Variants in HIVEP2 observed in about 807,000 individuals in gnomAD.
The protein encoded by HIVEP2 is HIVEP zinc finger 2, also known as transcription factor HIVEP2.
HIVEP2 carries 14 observed loss-of-function variants against 180.7 expected under a neutral mutation model. The observed-to-expected ratio is 0.08, with a 90% confidence interval of 0.05 to 0.12. The LOEUF (loss-of-function observed/expected upper bound fraction) is 0.12, where lower values mean the gene tolerates loss of function less well. Ranked by LOEUF, HIVEP2 falls within the 10% of genes least tolerant of loss-of-function variation. The pLI, the probability that HIVEP2 is intolerant of heterozygous loss-of-function variation, is 1.00. For missense variants in HIVEP2, 2,579 were observed against 3,008.5 expected (o/e 0.86, Z 3.34); for synonymous variants, 1,184 against 1,136.4 (o/e 1.04, Z -0.84).
At chr6:142,876,599 T>A (rs563623325) in intron 1 of HIVEP2, among the ~76,000 whole-genome samples, 12 of 152,160 alleles carry the variant, frequency 7.9e-5, no homozygotes, top group African/African-American at 2.9e-4. Context: ...TTAGAATGAT[T>A]CCCATTGAGT....
chr6:142,846,681 G>A lies in HIVEP2; in HGVS notation c.-640-9634C>T, dbSNP rs551972019. On this transcript the variant is annotated intron_variant, in intron 1 of 9. Coordinates refer to ENST00000367603, the MANE Select transcript of HIVEP2 (RefSeq NM_006734.4). ...CAAAGATGACTCAGCCTCTTGGGCT[G>A]ATGAGGTTCTGATTCTTCTACCAGG... Among the ~76,000 whole-genome samples the A allele has an allele frequency of 2.4e-3, 370 of 152,304 alleles. 1 individual carries two copies. The highest frequency in any genetic ancestry group is 8.6e-3 in the African/African-American group (358 of 41,560).
At chr6:142,801,913 T>C (rs953271501) in intron 2 of HIVEP2, among the ~76,000 whole-genome samples, 1 of 152,196 alleles carries the variant, frequency 6.6e-6, no homozygotes, top group African/African-American at 2.4e-5. Flanking sequence ...CTCCTTAAAG[T>C]TCTCCACAAG....
In HIVEP2 at chr6:142,769,971, C is replaced by T. The variant is rs747506540; in HGVS notation, c.4768G>A (p.Gly1590Arg). 2 of 1,614,108 alleles carry T rather than the reference C, an allele frequency of 1.2e-6. No individual in the cohort carries two copies. Among genetic ancestry groups the T allele is most frequent in the East Asian group, 2.2e-5 (1 of 44,884 alleles). ...CCTTCCTCTTCCAGCTGACCATCTC[C>T]TGCTGGTAATGAAGAACTCTGTGGG... ...MSPQSSSLPAGDGQLEEEGKG... is the reference protein window; with the variant it reads ...MSPQSSSLPARDGQLEEEGKG... Residue 1590 changes from glycine (G) to arginine (R), a missense_variant, in exon 5 of 10, where the codon GGA becomes AGA. Transcript: ENST00000367603.
At chr6:142,816,334 GC>G (rs1464417640) in intron 2 of HIVEP2, among the ~76,000 whole-genome samples, 2 of 152,108 alleles carry the variant, frequency 1.3e-5, no homozygotes, top group South Asian at 4.2e-4. Flanking sequence ...ACTGTTCTTT[GC>G]CCCCAGTTCA....
chr6:142,907,606 C>T (rs1683044815), intron 1 of HIVEP2, among the ~76,000 whole-genome samples: 1 of 152,226 alleles, frequency 6.6e-6, no homozygotes, highest in Admixed American at 6.5e-5. Context: ...CTCTACCCTA[C>T]TCCAGCAGCC....
intron 2 of HIVEP2, among the ~76,000 whole-genome samples, chr6:142,813,353 A>G (rs1325609929): frequency 1.3e-5 from 2 of 152,146 alleles, no homozygotes; most frequent in Non-Finnish European, 2.9e-5. Context: ...TGTTTCACCT[A>G]TGTCTCTCTG....
chr6:142,858,766 G>A (rs183375347), intron 1 of HIVEP2, among the ~76,000 whole-genome samples: 15 of 151,858 alleles, frequency 9.9e-5, no homozygotes, highest in Admixed American at 7.2e-4. Flanking sequence ...TGATTTTTTT[G>A]TATTTTTAGT....
intron 1 of HIVEP2, among the ~76,000 whole-genome samples, chr6:142,884,484 T>C (rs1268214836): frequency 6.6e-6 from 1 of 152,072 alleles, no homozygotes; most frequent in Non-Finnish European, 1.5e-5. Flanking sequence ...AACAAAATAA[T>C]CGCTGAAAAG....
At chr6:142,918,360 C>A (rs1180530457) in intron 1 of HIVEP2, among the ~76,000 whole-genome samples, 1 of 152,150 alleles carries the variant, frequency 6.6e-6, no homozygotes, top group Non-Finnish European at 1.5e-5. Flanking sequence ...TTATTTTTTT[C>A]TATTAAACGA....
At chr6:142,911,484 G>T (rs1279978601) in intron 1 of HIVEP2, among the ~76,000 whole-genome samples, 2 of 152,210 alleles carry the variant, frequency 1.3e-5, no homozygotes, top group Admixed American at 1.3e-4. Context: ...TCCCTGAAAA[G>T]AAGGTTTTAT....
chr6:142,798,254 G>C (rs1776325346), intron 2 of HIVEP2, among the ~76,000 whole-genome samples: 1 of 151,806 alleles, frequency 6.6e-6, no homozygotes, highest in Admixed American at 6.6e-5. Flanking sequence ...GGGCAACAGA[G>C]TGAGACTTCG....
chr6:142,762,970 A>C (rs1392947908), intron 7 of HIVEP2, among the ~76,000 whole-genome samples: 1 of 152,230 alleles, frequency 6.6e-6, no homozygotes, highest in Non-Finnish European at 1.5e-5. Context: ...AAAATTAATG[A>C]AATGTATCTA....
intron 2 of HIVEP2, among the ~76,000 whole-genome samples, chr6:142,814,495 G>A (rs1158917274): frequency 6.6e-6 from 1 of 152,126 alleles, no homozygotes; most frequent in African/African-American, 2.4e-5. Flanking sequence ...TTGGGCAGAG[G>A]TGGTGGGTTG....
At chr6:142,761,838 C>T (rs1196471826) in intron 7 of HIVEP2, among the ~76,000 whole-genome samples, 1 of 152,150 alleles carries the variant, frequency 6.6e-6, no homozygotes, top group East Asian at 1.9e-4. Context: ...CAAGAGTAGG[C>T]TCAAAGCAAG....
chr6:142,916,194 A>C (rs1053213555), intron 1 of HIVEP2, among the ~76,000 whole-genome samples: 1 of 152,210 alleles, frequency 6.6e-6, no homozygotes, highest in Admixed American at 6.5e-5. Context: ...TTACTGCAGT[A>C]ATCTCTTGAC....
At position 142,938,490 on chromosome 6, in the gene HIVEP2, A is replaced by G. The variant is rs138591871; in HGVS notation, c.-641+6609T>C. On this transcript the variant is annotated intron_variant, in intron 1 of 9. Transcript: ENST00000367603. ...TAATCTTCTTTATATGGAATTAGAC[A>G]TTAATCTCCATTTTAAAAGAAATAT... Among the ~76,000 whole-genome samples the G allele has an allele frequency of 9.2e-5, 14 of 152,342 alleles. No homozygotes were observed. The East Asian group carries it at 2.5e-3, about 27-fold the overall frequency.
intron 1 of HIVEP2, among the ~76,000 whole-genome samples, chr6:142,872,912 T>C (rs1166348825): frequency 6.6e-6 from 1 of 152,188 alleles, no homozygotes; most frequent in Non-Finnish European, 1.5e-5. Flanking sequence ...GATTTGACTA[T>C]TGTTTTTCTA....
Position 142,770,492 on chromosome 6 carries a change from C to G in HIVEP2, c.4247G>C (p.Gly1416Ala). The G allele has an allele frequency of 6.2e-7, 1 of 1,614,176 alleles. No homozygotes were observed. The highest frequency in any genetic ancestry group is 8.5e-7 in the Non-Finnish European group (1 of 1,180,036). The change falls in exon 5 of 10, where the codon GGC becomes GCC. Residue 1416 changes from glycine to alanine, a missense_variant. Physicochemically the swap from Gly to Ala is moderately conservative, Grantham distance 60 (BLOSUM62 0). This residue lies in a region of HIVEP2 where 523 missense variants were observed against 577.0 expected (regional missense o/e 0.91). Coordinates refer to ENST00000367603, the MANE Select transcript of HIVEP2 (RefSeq NM_006734.4). This position sits in a 1 kb window ranked among gnomAD's most constrained non-coding sequence, Gnocchi z 4.7. Reference protein sequence around the residue: ...IWKAPQTLPLGLESSIPLCLP... With the variant: ...IWKAPQTLPLALESSIPLCLP... ...ACACAAGGGGATGGAGGATTCTAAG[C>G]CGAGGGGCAAAGTCTGAGGTGCTTT...
chr6:142,882,654 A>G (rs1228861071), intron 1 of HIVEP2, among the ~76,000 whole-genome samples: 1 of 151,936 alleles, frequency 6.6e-6, no homozygotes, highest in East Asian at 1.9e-4. Context: ...AGGGAAAAGA[A>G]AGAAAGAATC....
Sources: gnomAD v4.1 joint callset for allele counts (sites outside exome capture counted in the v4.1 genomes callset) on GRCh38, gnomAD v4.1.1 for gene constraint, gnomAD v4.1.1 regional missense constraint, Gnocchi (gnomAD v3.1) non-coding constraint, MANE v1.5 for transcripts, NCBI Gene and HGNC (gene_info 2026-07-23, HGNC 2026-07-21) for gene names.